ASB7: variants seen among roughly 807,000 people sequenced by gnomAD.
ASB7 encodes the protein ankyrin repeat and SOCS box containing 7.
ASB7 carries 4 observed loss-of-function variants against 32.5 expected under a neutral mutation model. That is an observed-to-expected ratio of 0.12 (90% CI 0.06 to 0.28). The LOEUF (loss-of-function observed/expected upper bound fraction) is 0.28. ASB7 is among the 10% of genes least tolerant of loss of function. ASB7 has a pLI of 1.00. For synonymous variants in ASB7, 172 were observed against 155.6 expected (o/e 1.11, Z -0.78); for missense variants, 181 against 407.1 (o/e 0.44, Z 4.78).
chr15:100,603,160 T>C (rs2039577711), intron 1 of ASB7, 55 bp from the exon 2 acceptor site: 2 of 389,922 alleles, frequency 5.1e-6, no homozygotes, highest in Non-Finnish European at 4.5e-6. Context: ...TTTCCTGAGC[T>C]CCCCCCTCCC....
At chr15:100,646,490 G>T in intron 5 of ASB7, 1 of 468,428 alleles carries the variant, frequency 2.1e-6, no homozygotes, top group Non-Finnish European at 4.4e-6. Flanking sequence ...CCCTTAATAA[G>T]GAAATCAAAC....
intron 5 of ASB7, among the ~76,000 whole-genome samples, chr15:100,631,017 C>T (rs1432050539): frequency 6.6e-6 from 1 of 152,198 alleles, no homozygotes; most frequent in Admixed American, 6.5e-5. Flanking sequence ...AAGTAACCCA[C>T]TCTACCCCTT....
intron 4 of ASB7, among the ~76,000 whole-genome samples, chr15:100,615,540 A>C (rs1006814812): frequency 4.6e-5 from 7 of 152,220 alleles, no homozygotes; most frequent in African/African-American, 1.7e-4. Context: ...TTTTCACAGC[A>C]GGAGATTTTG....
Position 100,644,468 on chromosome 15 carries a change from G to T in ASB7, c.818-3855G>T, listed in dbSNP as rs543176127. On this transcript the variant is annotated intron_variant, in intron 5 of 5. Transcript: ENST00000332783. Reference sequence around the variant, plus strand: ...TTCAAAACAGGCTTGGAAATGATTTGCTGTTGACCTGAGTGTGTTTTGCAG... The same window carrying T: ...TTCAAAACAGGCTTGGAAATGATTTTCTGTTGACCTGAGTGTGTTTTGCAG... Among the ~76,000 whole-genome samples, 5 of 152,316 alleles carry T rather than the reference G, an allele frequency of 3.3e-5. 1 individual carries two copies. Among genetic ancestry groups the T allele is most frequent in the African/African-American group, 1.2e-4 (5 of 41,570 alleles).
chr15:100,646,388 T>G, intron 5 of ASB7: 1 of 393,016 alleles, frequency 2.5e-6, no homozygotes, highest in South Asian at 2.2e-5. Context: ...TGGGGTGCGG[T>G]GTACTTCTCC....
At chr15:100,647,256 G>GAA (rs1378833485) in intron 5 of ASB7, among the ~76,000 whole-genome samples, 1 of 152,128 alleles carries the variant, frequency 6.6e-6, no homozygotes, top group African/African-American at 2.4e-5. Context: ...GAGAATGACT[G>GAA]AAAAATGGCA....
At chr15:100,615,133 G>C (rs571043323) in intron 4 of ASB7, among the ~76,000 whole-genome samples, 74 of 152,300 alleles carry the variant, frequency 4.9e-4, no homozygotes, top group Non-Finnish European at 8.1e-4. Context: ...TGTGTAGTAC[G>C]CTGTGCCGTC....
intron 2 of ASB7, chr15:100,609,500 A>G (rs775997594): frequency 6.6e-6 from 1 of 151,912 alleles, no homozygotes; most frequent in Non-Finnish European, 1.5e-5. Context: ...TTTTGGGGGG[A>G]AAAGCCTGAA....
In ASB7 at chr15:100,612,242, A is replaced by G. The variant is rs959227987; in HGVS notation, c.26A>G (p.Asn9Ser). Residue 9 changes from asparagine (N) to serine (S), a missense_variant, in exon 4 of 6, where the codon AAC becomes AGC. Asn to Ser is a conservative substitution (Grantham distance 46). Coordinates refer to ENST00000332783, the MANE Select transcript of ASB7 (RefSeq NM_198243.3). MLHHHCRR[N>S]PELQEELQIQ... Reference sequence around the variant, plus strand: ...ATGTTACACCATCATTGTCGAAGGAACCCTGAGCTCCAGGAAGAGTTGCAG... The same window carrying G: ...ATGTTACACCATCATTGTCGAAGGAGCCCTGAGCTCCAGGAAGAGTTGCAG... 3.7e-6 allele frequency: 6 copies of G among 1,613,918 alleles called. No individual in the cohort carries two copies. The highest frequency in any genetic ancestry group is 5.1e-6 in the Non-Finnish European group (6 of 1,179,930).
chr15:100,647,829 C>T (rs970422149), intron 5 of ASB7, among the ~76,000 whole-genome samples: 5 of 151,972 alleles, frequency 3.3e-5, no homozygotes, highest in Admixed American at 6.6e-5. Flanking sequence ...TGTCCTAGAC[C>T]CAGAGCTGAA....
Position 100,651,469 on chromosome 15 carries a change from A to G in ASB7, c.*3007A>G, listed in dbSNP as rs779240103. ...TGACTCGTCAGATGCACACCCCAAG[A>G]GACAAGAATGTGTAGTTTAATGACC... On this transcript the variant is annotated 3_prime_UTR_variant, in exon 6 of 6. Coordinates refer to ENST00000332783, the MANE Select transcript of ASB7 (RefSeq NM_198243.3). 3 of 152,186 alleles carry G rather than the reference A, an allele frequency of 2.0e-5. No homozygotes were observed. The highest frequency in any genetic ancestry group is 4.4e-5 in the Non-Finnish European group (3 of 68,040). The allele number at this position is 152,186 out of a possible 1,614,324, so 9.4% of individuals were successfully genotyped here.
At chr15:100,607,013 T>C (rs2039651057) in intron 2 of ASB7, among the ~76,000 whole-genome samples, 2 of 151,930 alleles carry the variant, frequency 1.3e-5, no homozygotes, top group Admixed American at 1.3e-4. Flanking sequence ...ATTAGCCGGG[T>C]GTGGTGGCAC....
At chr15:100,610,814 A>G (rs1021045752) in intron 3 of ASB7, among the ~76,000 whole-genome samples, 7 of 152,238 alleles carry the variant, frequency 4.6e-5, no homozygotes, top group African/African-American at 1.7e-4. Context: ...GCTTCATCAC[A>G]GTTTAAAAAA....
intron 4 of ASB7, among the ~76,000 whole-genome samples, chr15:100,619,235 C>T (rs1339827738): frequency 1.3e-5 from 2 of 152,078 alleles, no homozygotes; most frequent in Admixed American, 6.5e-5. Flanking sequence ...GGGGGCACTG[C>T]GTGTGACGGG....
intron 5 of ASB7, among the ~76,000 whole-genome samples, chr15:100,635,850 G>C (rs1244822742): frequency 6.6e-6 from 1 of 152,180 alleles, no homozygotes; most frequent in African/African-American, 2.4e-5. Flanking sequence ...TTTCCTCGTG[G>C]CTCTGAGACA....
intron 4 of ASB7, among the ~76,000 whole-genome samples, chr15:100,616,118 T>G (rs1483421714): frequency 1.3e-5 from 2 of 152,238 alleles, no homozygotes; most frequent in Admixed American, 6.5e-5. Flanking sequence ...TTGCTAGTGA[T>G]GTACTTACCA....
chr15:100,632,121 C>T (rs555236512), intron 5 of ASB7, among the ~76,000 whole-genome samples: 2 of 152,334 alleles, frequency 1.3e-5, no homozygotes, highest in African/African-American at 4.8e-5. Context: ...GTTAAAGACT[C>T]ACATGCACTT....
At chr15:100,611,884 A>G (rs1406748067) in intron 3 of ASB7, among the ~76,000 whole-genome samples, 6 of 138,146 alleles carry the variant, frequency 4.3e-5, no homozygotes, top group Non-Finnish European at 9.1e-5. Flanking sequence ...CAGTGTTGCT[A>G]TCATGGCTCA....
In ASB7 at chr15:100,612,307, C is replaced by T; in HGVS notation, c.91C>T (p.Arg31Ter). 1.2e-6 allele frequency: 2 copies of T among 1,613,976 alleles called. No homozygotes were observed. Among genetic ancestry groups the T allele is most frequent in the Non-Finnish European group, 1.7e-6 (2 of 1,179,892 alleles). Residue 31 changes from arginine (R) to a stop codon, truncating the protein, a stop_gained, in exon 4 of 6, where the codon CGA becomes TGA. Transcript: ENST00000332783. LOFTEE classifies it high-confidence loss of function. ...GGCTGCTGGGGATGTCCACACAGTGCGAAAGATGCTAGAACAAGGCTATTC... is the reference window on the plus strand; with the variant it reads ...GGCTGCTGGGGATGTCCACACAGTGTGAAAGATGCTAGAACAAGGCTATTC... ...AVAAGDVHTVRKMLEQGYSPN... is the reference protein window; with the variant it reads ...AVAAGDVHTV
Sources: allele counts gnomAD v4.1 joint callset (sites outside exome capture counted in the v4.1 genomes callset), GRCh38; gene constraint gnomAD v4.1.1; transcripts MANE v1.5; gene names NCBI Gene and HGNC (gene_info 2026-07-23, HGNC 2026-07-21).